The following POLE variants were observed in gnomAD, a reference collection of about 807,000 sequenced individuals.
The protein encoded by POLE is DNA polymerase epsilon catalytic subunit A.
POLE carries 188 observed loss-of-function variants against 279.2 expected under a neutral mutation model. That is an observed-to-expected ratio of 0.67 (90% CI 0.60 to 0.76). The LOEUF (loss-of-function observed/expected upper bound fraction) is 0.76, where lower values mean the gene tolerates loss of function less well. Among genes scored for constraint, POLE ranks in the 30% least tolerant of loss-of-function variants. POLE has a pLI of 0.00. For missense variants in POLE, 2,703 were observed against 3,016.7 expected (o/e 0.90, Z 2.44); for synonymous variants, 1,214 against 1,172.5 (o/e 1.04, Z -0.72).
chr12:132,636,229 C>T (rs1014803141), intron 41 of POLE, among the ~76,000 whole-genome samples: 3 of 152,088 alleles, frequency 2.0e-5, no homozygotes, highest in African/African-American at 4.8e-5. Context: ...TGGGAGCTGG[C>T]GCCACAAAGA....
chr12:132,647,824 C>T (rs7974140), intron 32 of POLE, among the ~76,000 whole-genome samples: 77,240 of 151,512 alleles, frequency 0.51, 20,423 homozygotes, highest in East Asian at 0.7. Flanking sequence ...GATGCCTCTG[C>T]GTCCGCTTTC....
intron 45 of POLE, among the ~76,000 whole-genome samples, chr12:132,631,775 G>A (rs1055678423): frequency 6.6e-6 from 1 of 152,182 alleles, no homozygotes; most frequent in Non-Finnish European, 1.5e-5. Context: ...CCCAGCCGGT[G>A]GCACTGGGTG....
chr12:132,630,745 C>T (rs907514181), intron 45 of POLE, among the ~76,000 whole-genome samples: 2 of 152,148 alleles, frequency 1.3e-5, no homozygotes, highest in Non-Finnish European at 2.9e-5. Context: ...CATCATTAGT[C>T]GCCAGGGAAA....
Position 132,643,217 on chromosome 12 carries a change from G to A in POLE, c.4551+7C>T. The A allele has an allele frequency of 1.2e-6, 2 of 1,612,226 alleles. No homozygotes were observed. Among genetic ancestry groups the A allele is most frequent in the Non-Finnish European group, 1.7e-6 (2 of 1,178,836 alleles). ...CAATGTGCTGCCATGGAGGGCCCAG[G>A]ACTCACAGTGTCCAGCACAAAGACG... On this transcript the variant is annotated splice_region_variant and intron_variant, in intron 35 of 48. Transcript: ENST00000320574.
chr12:132,633,908 ACTC>A, intron 43 of POLE: 1 of 362,940 alleles, frequency 2.8e-6, no homozygotes, highest in East Asian at 4.4e-5. Context: ...GAGCTAGGAA[ACTC>A]CTCAATGACA....
chr12:132,643,377 C>T lies in POLE; in HGVS notation c.4444+30G>A, dbSNP rs779686187. The T allele has an allele frequency of 6.2e-6, 10 of 1,614,086 alleles. No individual in the cohort carries two copies. The South Asian group carries it at 7.7e-5, about 12-fold the overall frequency. ...TCACCCCAGATGTGTGGGAGGCAGG[C>T]ACATGATGGGCGGCTGGTGCAGGCC... On this transcript the variant is annotated intron_variant, in intron 34 of 48. Coordinates refer to ENST00000320574, the MANE Select transcript of POLE (RefSeq NM_006231.4).
In POLE at chr12:132,675,040, C is replaced by T. The variant is rs546460424; in HGVS notation, c.1226+358G>A. ...GCTCATATGGAATCTGTGGTTGTCC[C>T]GTGAGGCTTGTCCTGTGAGGCAGCC... On this transcript the variant is annotated intron_variant, in intron 12 of 48. Coordinates refer to ENST00000320574, the MANE Select transcript of POLE (RefSeq NM_006231.4). The surrounding 1 kb of genome is among the most constrained non-coding windows in gnomAD (Gnocchi z 4.3). Among the ~76,000 whole-genome samples the T allele has an allele frequency of 2.6e-5, 4 of 152,320 alleles. No homozygotes were observed. The South Asian group carries it at 8.3e-4, about 32-fold the overall frequency.
At chr12:132,651,291 G>GC (rs1008928996) in intron 29 of POLE, 1 of 152,166 alleles carries the variant, frequency 6.6e-6, no homozygotes, top group Non-Finnish European at 1.5e-5. Flanking sequence ...AAACACATCA[G>GC]CCTACCTACC....
chr12:132,636,956 G>A (rs1354860689), intron 41 of POLE, among the ~76,000 whole-genome samples: 4 of 152,160 alleles, frequency 2.6e-5, no homozygotes, highest in South Asian at 2.1e-4. Flanking sequence ...GAGCAACCCC[G>A]GCCTCCTCAG....
intron 16 of POLE, 137 bp downstream of exon 16, chr12:132,672,078 T>C (rs2042939875): frequency 3.0e-6 from 2 of 662,396 alleles, no homozygotes; most frequent in Non-Finnish European, 5.5e-6. Context: ...ATGACTGCCC[T>C]GTCCCACCAG....
intron 31 of POLE, 76 bp downstream of exon 31, chr12:132,649,230 C>G (rs1413580828): frequency 1.3e-6 from 2 of 1,548,594 alleles, no homozygotes; most frequent in Admixed American, 3.4e-5. Context: ...CATCCCAGAC[C>G]TCAGGGCCCA....
rs780206564 is a variant in POLE, at chr12:132,668,561, C to T, written c.2027-59G>A. The T allele has an allele frequency of 1.9e-6, 3 of 1,583,526 alleles. No homozygotes were observed. The highest frequency in any genetic ancestry group is 2.6e-6 in the Non-Finnish European group (3 of 1,159,548). On this transcript the variant is annotated intron_variant, in intron 18 of 48. Transcript: ENST00000320574. The surrounding 1 kb of genome is among the most constrained non-coding windows in gnomAD (Gnocchi z 4.0). The stretch of plus-strand genomic sequence containing the variant: ...GAGGCACAGACACACCGGCTTCCCA[C>T]CAAGTGGAGAAAGGCGGCCGACACT...
At chr12:132,663,319 C>T (rs1019508276) in intron 23 of POLE, among the ~76,000 whole-genome samples, 2 of 152,236 alleles carry the variant, frequency 1.3e-5, no homozygotes, top group Non-Finnish European at 2.9e-5. Context: ...GGAGACTAAG[C>T]CGTCCCCACA....
At chr12:132,645,327 T>A (rs1276387207) in intron 32 of POLE, among the ~76,000 whole-genome samples, 3 of 110,078 alleles carry the variant, frequency 2.7e-5, no homozygotes, top group Non-Finnish European at 5.4e-5. Flanking sequence ...TAGCTCCCTG[T>A]GTGGAGGGCT....
At chr12:132,663,222 C>T (rs1175544328) in intron 23 of POLE, among the ~76,000 whole-genome samples, 4 of 152,218 alleles carry the variant, frequency 2.6e-5, no homozygotes, top group African/African-American at 9.6e-5. Context: ...TTATATCCTC[C>T]CCACTGGGTG....
In POLE at chr12:132,632,422, T is replaced by C. The variant is rs1326812680; in HGVS notation, c.6223A>G (p.Thr2075Ala). ...AGCTCAGTGGAGTTCCGAGAGCCTG[T>C]GACTTTCTTCTGAATCTTCTGAGTG... ...TITQKIQKKVTGSRNSTELSE... is the reference protein window; with the variant it reads ...TITQKIQKKVAGSRNSTELSE... Residue 2075 changes from threonine to alanine, a missense_variant, in exon 45 of 49, where the codon ACA becomes GCA. Physicochemically the swap from Thr to Ala is moderately conservative, Grantham distance 58 (BLOSUM62 0). Transcript: ENST00000320574. 1.9e-6 allele frequency: 3 copies of C among 1,613,908 alleles called. No homozygotes were observed. Among genetic ancestry groups the C allele is most frequent in the Non-Finnish European group, 1.7e-6 (2 of 1,179,900 alleles).
intron 1 of POLE, among the ~76,000 whole-genome samples, chr12:132,686,406 G>C (rs531201648): frequency 1.3e-5 from 2 of 152,158 alleles, no homozygotes; most frequent in South Asian, 4.2e-4. Flanking sequence ...GGGACCTCGG[G>C]CGCGCACCAC....
At chr12:132,638,183 T>C in intron 40 of POLE, 44 bp from the exon 41 acceptor site, 2 of 1,591,726 alleles carry the variant, frequency 1.3e-6, no homozygotes, top group Non-Finnish European at 1.7e-6. Flanking sequence ...GCCACAGTCA[T>C]GGAGAGCCAG....
In POLE at chr12:132,635,978, G is replaced by A. The variant is rs1380204151; in HGVS notation, c.5725C>T (p.Arg1909Ter). ...TFHSLTISFS[R>*]CWEFLLWMDP... ...ATCCAGAGAAGAAATTCCCAGCATC[G>A]AGAGAAAGAAATTGTCAGAGAATGG... is the stretch of plus-strand genomic sequence containing the variant. The change falls in exon 42 of 49, where the codon CGA becomes TGA. Residue 1909 changes from arginine (R) to a stop codon, truncating the protein, a stop_gained. Transcript: ENST00000320574. LOFTEE classifies it high-confidence loss of function. 3 of 1,613,810 alleles carry A rather than the reference G, an allele frequency of 1.9e-6. No homozygotes were observed. The highest frequency in any genetic ancestry group is 1.1e-5 in the South Asian group (1 of 91,072).
Sources: allele counts gnomAD v4.1 joint callset (sites outside exome capture counted in the v4.1 genomes callset), GRCh38; gene constraint gnomAD v4.1.1; non-coding constraint Gnocchi (gnomAD v3.1); transcripts MANE v1.5; gene names NCBI Gene and HGNC (gene_info 2026-07-23, HGNC 2026-07-21).